Variants in ARHGEF10 observed in about 807,000 individuals in gnomAD.
ARHGEF10 encodes the protein Rho guanine nucleotide exchange factor (GEF) 10.
In ARHGEF10, 140 loss-of-function variants were observed where a neutral mutation model predicts 147.4. The ratio of observed to expected loss-of-function variants is 0.95; its 90% CI spans 0.83 to 1.09. The LOEUF is 1.09. Ranked by LOEUF, ARHGEF10 falls within the 50% of genes least tolerant of loss-of-function variation. The pLI is 0.00. For missense variants in ARHGEF10, 2,222 were observed against 1,752.7 expected (o/e 1.27, Z -4.78); for synonymous variants, 902 against 695.8 (o/e 1.30, Z -4.67).
chr8:1,872,999 C>T (rs770984895), intron 7 of ARHGEF10, among the ~76,000 whole-genome samples: 13 of 152,188 alleles, frequency 8.5e-5, no homozygotes, highest in East Asian at 1.9e-4. Context: ...TCGCTTCGGG[C>T]ATTCCTCGCG....
chr8:1,856,222 A>G (rs11136436), intron 2 of ARHGEF10, among the ~76,000 whole-genome samples: 103,197 of 152,120 alleles, frequency 0.68, 35,217 homozygotes, highest in Non-Finnish European at 0.71. Flanking sequence ...AAAATAACAC[A>G]TTTCTGAATC....
rs149851546 is a variant in ARHGEF10, at chr8:1,941,047, C to T, written c.3223-4434C>T. Among the ~76,000 whole-genome samples the T allele has an allele frequency of 4.0e-3, 614 of 152,252 alleles. 6 individuals carry two copies. The highest frequency in any genetic ancestry group is 0.014 in the African/African-American group (585 of 41,534). On this transcript the variant is annotated intron_variant, in intron 26 of 28. Coordinates refer to ENST00000349830, the MANE Select transcript of ARHGEF10 (RefSeq NM_014629.4). The stretch of plus-strand genomic sequence containing the variant: ...TATGGTTAAAGAAGAAAAGTTTTCC[C>T]CTGAAGATCAAGAACAAGACAAAGA...
chr8:1,914,823 A>G (rs932033383), intron 18 of ARHGEF10, among the ~76,000 whole-genome samples: 5 of 152,216 alleles, frequency 3.3e-5, no homozygotes, highest in African/African-American at 9.6e-5. Flanking sequence ...CAAAAGTGTC[A>G]TTATAACCCT....
chr8:1,896,602 T>C (rs1809994861), intron 14 of ARHGEF10, among the ~76,000 whole-genome samples, 153 bp downstream of exon 14: 1 of 152,236 alleles, frequency 6.6e-6, no homozygotes, highest in Admixed American at 6.5e-5. Flanking sequence ...AGATGAATTT[T>C]AGGTCCTAAT....
At chr8:1,876,088 C>T (rs2129108959) in intron 7 of ARHGEF10, 1 of 175,670 alleles carries the variant, frequency 5.7e-6, no homozygotes, top group Middle Eastern at 2.8e-3. Flanking sequence ...CTTGCTAGTG[C>T]TGGTACTTGA....
At chr8:1,942,580 A>G (rs1814191190) in intron 26 of ARHGEF10, among the ~76,000 whole-genome samples, 1 of 152,154 alleles carries the variant, frequency 6.6e-6, no homozygotes, top group Non-Finnish European at 1.5e-5. Context: ...TGACCAGGTG[A>G]CCCAGCATTT....
intron 1 of ARHGEF10, among the ~76,000 whole-genome samples, chr8:1,839,298 G>C (rs1803796844): frequency 6.7e-6 from 1 of 148,666 alleles, no homozygotes; most frequent in African/African-American, 2.5e-5. Context: ...TGTGGGTACT[G>C]TCCGGTGTGG....
At chr8:1,875,350 G>A (rs567200456) in intron 7 of ARHGEF10, among the ~76,000 whole-genome samples, 1 of 152,194 alleles carries the variant, frequency 6.6e-6, no homozygotes, top group African/African-American at 2.4e-5. Flanking sequence ...CTAGTACATG[G>A]TAGAGGCTGT....
intron 2 of ARHGEF10, among the ~76,000 whole-genome samples, chr8:1,854,620 C>G (rs901283229): frequency 3.9e-5 from 6 of 152,262 alleles, no homozygotes; most frequent in Non-Finnish European, 7.3e-5. Flanking sequence ...CAAGCCCCTC[C>G]AAGTCTAAAC....
At chr8:1,905,781 A>G (rs1319223832) in intron 17 of ARHGEF10, 65 bp downstream of exon 17, 14 of 1,591,640 alleles carry the variant, frequency 8.8e-6, no homozygotes, top group Non-Finnish European at 1.2e-5. Flanking sequence ...CTAAGGGCAC[A>G]TGCATGACTT....
chr8:1,826,209 A>G, intron 1 of ARHGEF10: 1 of 1,338,792 alleles, frequency 7.5e-7, no homozygotes, highest in Non-Finnish European at 1.0e-6. Context: ...AAGTGAAGTT[A>G]AAAGTTATTC....
intron 18 of ARHGEF10, among the ~76,000 whole-genome samples, chr8:1,912,585 C>T (rs1297415351): frequency 2.7e-5 from 3 of 112,662 alleles, no homozygotes; most frequent in Non-Finnish European, 4.0e-5. Flanking sequence ...CCTGCAAAAG[C>T]GCCATGTGGA....
upstream of ARHGEF10, among the ~76,000 whole-genome samples, chr8:1,823,688 C>A (rs1445651283): frequency 6.6e-6 from 1 of 150,666 alleles, no homozygotes; most frequent in Non-Finnish European, 1.5e-5. Flanking sequence ...GTCCGCGGGG[C>A]AGGAGATGAT....
intron 11 of ARHGEF10, among the ~76,000 whole-genome samples, chr8:1,892,285 G>GTGTGTA (rs912434377): frequency 2.5e-5 from 3 of 120,514 alleles, no homozygotes; most frequent in Admixed American, 8.1e-5. Context: ...CTCTGTGTGT[G>GTGTGTA]TGTGTGTGTG....
chr8:1,842,866 AC>A (rs1323799780), intron 1 of ARHGEF10, among the ~76,000 whole-genome samples: 5 of 152,214 alleles, frequency 3.3e-5, no homozygotes, highest in African/African-American at 1.2e-4. Flanking sequence ...GAGGTTAGCC[AC>A]ATGCTTACCA....
intron 2 of ARHGEF10, among the ~76,000 whole-genome samples, chr8:1,849,056 G>T (rs558188058): frequency 1.9e-4 from 29 of 152,330 alleles, no homozygotes; most frequent in African/African-American, 6.0e-4. Flanking sequence ...CACAGTCAGT[G>T]CTGGTCACCC....
intron 23 of ARHGEF10, 57 bp downstream of exon 23, chr8:1,926,520 C>T (rs1400798023): frequency 6.0e-6 from 9 of 1,505,864 alleles, no homozygotes; most frequent in East Asian, 2.3e-5. Flanking sequence ...CGTTCATGGT[C>T]GGTGTGATGA....
chr8:1,855,791 G>GT (rs1805506965), intron 2 of ARHGEF10, among the ~76,000 whole-genome samples: 1 of 152,096 alleles, frequency 6.6e-6, no homozygotes, highest in Non-Finnish European at 1.5e-5. Context: ...CCCCAAACGT[G>GT]AATTCTGTGG....
chr8:1,948,150 T>G lies in ARHGEF10; in HGVS notation c.3397+2495T>G, dbSNP rs1425123419. On this transcript the variant is annotated intron_variant, in intron 27 of 28. Transcript: ENST00000349830. The surrounding 1 kb of genome is among the most constrained non-coding windows in gnomAD (Gnocchi z 4.9). ...CCCAAGCCCACCACAAGCCTCTCAC[T>G]TGGCAGCAGATGCATGGGGCTCTGC... Among the ~76,000 whole-genome samples the G allele has an allele frequency of 6.6e-6, 1 of 152,122 alleles. No individual in the cohort carries two copies. The highest frequency in any genetic ancestry group is 6.5e-5 in the Admixed American group (1 of 15,280).
Sources: gnomAD v4.1 joint callset for allele counts (sites outside exome capture counted in the v4.1 genomes callset) on GRCh38, gnomAD v4.1.1 for gene constraint, Gnocchi (gnomAD v3.1) non-coding constraint, MANE v1.5 for transcripts, NCBI Gene and HGNC (gene_info 2026-07-23, HGNC 2026-07-21) for gene names.